Variants in TENM4 observed in about 807,000 individuals in gnomAD.
TENM4 encodes the protein teneurin transmembrane protein 4, also known as teneurin-4.
In TENM4, 82 loss-of-function variants were observed where a neutral mutation model predicts 243.3. That is an observed-to-expected ratio of 0.34 (90% CI 0.28 to 0.40). The LOEUF is 0.40. TENM4 is among the 10% of genes least tolerant of loss of function. The pLI is 1.00. For missense variants in TENM4, 3,138 were observed against 3,673.3 expected, an observed-to-expected ratio of 0.85 and a Z score of 3.77; for synonymous variants, 1,412 against 1,456.3, an observed-to-expected ratio of 0.97 and a Z score of 0.69.
intron 1 of TENM4, among the ~76,000 whole-genome samples, chr11:79,365,590 G>C (rs7928569): frequency 0.077 from 11,689 of 152,226 alleles, 544 homozygotes; most frequent in Middle Eastern, 0.13. Context: ...GCCAGGCGCT[G>C]AGGACACAAT....
intron 27 of TENM4, among the ~76,000 whole-genome samples, chr11:78,707,523 A>G (rs1374410648): frequency 6.6e-6 from 1 of 152,236 alleles, no homozygotes; most frequent in African/African-American, 2.4e-5. Flanking sequence ...CCTGCTTCCA[A>G]GCACCCTATG....
intron 12 of TENM4, among the ~76,000 whole-genome samples, chr11:78,831,487 G>C (rs1194662144): frequency 6.6e-6 from 1 of 152,258 alleles, no homozygotes; most frequent in Non-Finnish European, 1.5e-5. Context: ...AAGCCCAGAT[G>C]ATGGAGCAAC....
At chr11:79,178,148 A>C (rs1260019488) in intron 3 of TENM4, among the ~76,000 whole-genome samples, 1 of 152,180 alleles carries the variant, frequency 6.6e-6, no homozygotes, top group African/African-American at 2.4e-5. Context: ...AAGGGGAGAC[A>C]AAGAAACTCT....
chr11:79,116,929 G>A (rs10899591), intron 4 of TENM4, among the ~76,000 whole-genome samples: 98,410 of 152,050 alleles, frequency 0.65, 33,913 homozygotes, highest in Non-Finnish European at 0.8. Context: ...CACAGGGTAA[G>A]CACAAGTTTT....
intron 6 of TENM4, among the ~76,000 whole-genome samples, chr11:78,942,259 C>CAAAAAAAAAAAAA (rs56973257): frequency 8.9e-5 from 1 of 11,218 alleles, no homozygotes; most frequent in Admixed American, 1.4e-3. Context: ...CAAAATACAC[C>CAAAAAAAAAAAAA]AAAAAAAAAA....
chr11:78,749,785 T>G (rs1856139900), intron 19 of TENM4, among the ~76,000 whole-genome samples: 1 of 152,218 alleles, frequency 6.6e-6, no homozygotes, highest in African/African-American at 2.4e-5. Flanking sequence ...GTTATTTCAC[T>G]CCTGTTTAGA....
chr11:78,905,547 T>A (rs1856042668), intron 6 of TENM4, among the ~76,000 whole-genome samples: 1 of 152,186 alleles, frequency 6.6e-6, no homozygotes, highest in Non-Finnish European at 1.5e-5. Flanking sequence ...TCTTCCAGCC[T>A]CTTCTCCCAT....
At chr11:79,106,456 G>A (rs1320236138) in intron 4 of TENM4, among the ~76,000 whole-genome samples, 2 of 152,244 alleles carry the variant, frequency 1.3e-5, no homozygotes. Flanking sequence ...GTGTCTCCAA[G>A]TGTAATGCAA....
At position 78,702,352 on chromosome 11, in the gene TENM4, G is replaced by T. The variant is rs752553424; in HGVS notation, c.4261C>A (p.Leu1421Ile). Residue 1421 changes from leucine to isoleucine, a missense_variant, in exon 28 of 34, where the codon CTT becomes ATT. Coordinates refer to ENST00000278550, the MANE Select transcript of TENM4 (RefSeq NM_001098816.3). ...ACCACATTGTTGTCGAGGACATAAA[G>T]TGAGTTGTCCATTGGGTTGATGGCT... The part of the protein sequence containing the change: ...DLAINPMDNS[L>I]YVLDNNVVLQ... 5 of 1,613,878 alleles carry T rather than the reference G, an allele frequency of 3.1e-6. No homozygotes were observed. In the Admixed American group the frequency reaches 6.7e-5, roughly 22 times the overall value.
intron 6 of TENM4, among the ~76,000 whole-genome samples, chr11:79,001,553 C>T (rs1858329308): frequency 6.6e-6 from 1 of 152,138 alleles, no homozygotes; most frequent in African/African-American, 2.4e-5. Flanking sequence ...GGGCTCCAGC[C>T]TGCGCAGAGC....
At chr11:79,413,415 C>T (rs1390356276) in intron 1 of TENM4, among the ~76,000 whole-genome samples, 1 of 152,218 alleles carries the variant, frequency 6.6e-6, no homozygotes. Context: ...CTCTGCCTTT[C>T]CCTTTCCCCG....
chr11:79,099,246 T>C (rs987509610), intron 4 of TENM4, among the ~76,000 whole-genome samples: 5 of 152,060 alleles, frequency 3.3e-5, no homozygotes, highest in Non-Finnish European at 7.4e-5. Flanking sequence ...GCTGCTGGGA[T>C]TTCCTTCTGT....
At chr11:79,429,978 G>C (rs770765979) in intron 1 of TENM4, among the ~76,000 whole-genome samples, 1 of 152,090 alleles carries the variant, frequency 6.6e-6, no homozygotes, top group Admixed American at 6.6e-5. Context: ...TGTGAGAACT[G>C]GGAGTTGTAG....
Position 78,942,740 on chromosome 11 carries a change from T to C in TENM4, c.494-39217A>G, listed in dbSNP as rs374462914. ...ATGTGCCAGGCTTCCTGCTTAACTTTTCACAAATACTACCTCATTTGCCTC... is the reference window on the plus strand; with the variant it reads ...ATGTGCCAGGCTTCCTGCTTAACTTCTCACAAATACTACCTCATTTGCCTC... On this transcript the variant is annotated intron_variant, in intron 6 of 33. Transcript: ENST00000278550. Among the ~76,000 whole-genome samples the C allele has an allele frequency of 7.2e-5, 11 of 152,088 alleles. No homozygotes were observed. The East Asian group carries it at 2.1e-3, about 29-fold the overall frequency.
intron 3 of TENM4, among the ~76,000 whole-genome samples, chr11:79,164,581 T>C (rs965619455): frequency 2.7e-5 from 4 of 145,504 alleles, no homozygotes; most frequent in Non-Finnish European, 6.0e-5. Flanking sequence ...ACTATATATA[T>C]ACATATATAT....
At chr11:79,275,619 T>C (rs566402686) in intron 2 of TENM4, among the ~76,000 whole-genome samples, 7 of 152,090 alleles carry the variant, frequency 4.6e-5, no homozygotes, top group Non-Finnish European at 1.0e-4. Context: ...CTCTCCAAGA[T>C]AGAAAAAGGA....
chr11:79,405,150 TGAG>T (rs2135562338), intron 1 of TENM4, among the ~76,000 whole-genome samples: 1 of 152,192 alleles, frequency 6.6e-6, no homozygotes, highest in South Asian at 2.1e-4. Flanking sequence ...GTAGTAATAA[TGAG>T]GAAAACAATA....
At chr11:78,870,792 C>G (rs1409353677) in intron 9 of TENM4, among the ~76,000 whole-genome samples, 2 of 152,096 alleles carry the variant, frequency 1.3e-5, no homozygotes, top group East Asian at 3.8e-4. Flanking sequence ...ACAGGTGAGC[C>G]CACCACCAAT....
intron 2 of TENM4, among the ~76,000 whole-genome samples, chr11:79,292,928 T>A (rs1327379273): frequency 2.0e-5 from 3 of 152,202 alleles, no homozygotes; most frequent in Non-Finnish European, 4.4e-5. Context: ...GTCATTCACT[T>A]ATCAATCAGT....
Sources: gnomAD v4.1 joint callset for allele counts (sites outside exome capture counted in the v4.1 genomes callset) on GRCh38, gnomAD v4.1.1 for gene constraint, MANE v1.5 for transcripts, NCBI Gene and HGNC (gene_info 2026-07-23, HGNC 2026-07-21) for gene names.